Variants in DTNBP1 observed in about 807,000 individuals in gnomAD.
The protein encoded by DTNBP1 is dystrobrevin binding protein 1.
Under a neutral mutation model 42.8 loss-of-function variants are expected in DTNBP1, and 35 were observed. The observed-to-expected ratio is 0.82, with a 90% confidence interval of 0.63 to 1.09. The LOEUF (loss-of-function observed/expected upper bound fraction) is 1.09. Among genes scored for constraint, DTNBP1 ranks in the 50% least tolerant of loss-of-function variants. DTNBP1 has a pLI of 0.00. For synonymous variants in DTNBP1, 171 were observed against 162.2 expected (o/e 1.05, Z -0.41); for missense variants, 457 against 424.2 (o/e 1.08, Z -0.68).
At chr6:15,533,509 A>G in intron 7 of DTNBP1, 114 bp from the exon 8 acceptor site, 2 of 1,556,236 alleles carry the variant, frequency 1.3e-6, no homozygotes, top group African/African-American at 1.4e-5. Context: ...CCGCGTTTAC[A>G]GACTGGGCTG....
intron 7 of DTNBP1, among the ~76,000 whole-genome samples, chr6:15,560,882 T>G (rs940570370): frequency 2.0e-5 from 3 of 152,208 alleles, no homozygotes; most frequent in Non-Finnish European, 2.9e-5. Flanking sequence ...CGGAAGAAAG[T>G]TCCATCAAAG....
chr6:15,539,025 C>T (rs1157770243), intron 7 of DTNBP1, among the ~76,000 whole-genome samples: 1 of 152,208 alleles, frequency 6.6e-6, no homozygotes, highest in Non-Finnish European at 1.5e-5. Flanking sequence ...ACACTCTCAA[C>T]TCCGGAGTCC....
At chr6:15,563,454 A>G (rs1376640774) in intron 7 of DTNBP1, among the ~76,000 whole-genome samples, 2 of 152,260 alleles carry the variant, frequency 1.3e-5, no homozygotes, top group East Asian at 3.8e-4. Context: ...TTAAACATTA[A>G]TTAGGCTGCA....
intron 7 of DTNBP1, among the ~76,000 whole-genome samples, chr6:15,566,346 C>T (rs1392449382): frequency 2.6e-5 from 4 of 152,046 alleles, no homozygotes; most frequent in African/African-American, 9.7e-5. Context: ...ATTCTAAGCC[C>T]CCCAAATGAT....
intron 6 of DTNBP1, among the ~76,000 whole-genome samples, chr6:15,599,200 G>A (rs772941571): frequency 2.0e-5 from 3 of 152,168 alleles, no homozygotes; most frequent in Non-Finnish European, 4.4e-5. Context: ...AGAGGTTGAA[G>A]CAAGTAGGAT....
rs143011785 is a variant in DTNBP1, at chr6:15,637,764, C to T, written c.202G>A (p.Asp68Asn). 1 of 1,613,744 alleles carries T rather than the reference C, an allele frequency of 6.2e-7. No homozygotes were observed. Among genetic ancestry groups the T allele is most frequent in the African/African-American group, 1.3e-5 (1 of 74,934 alleles). The change falls in exon 4 of 10, where the codon GAC (aspartate) becomes AAC (asparagine). Residue 68 changes from aspartate to asparagine, a missense_variant. By Grantham distance (23) the Asp-to-Asn change is conservative (BLOSUM62 1). Coordinates refer to ENST00000344537, the MANE Select transcript of DTNBP1 (RefSeq NM_032122.5). The part of the protein sequence containing the change: ...TWAALHRRAK[D>N]CASAGELVDS... The stretch of plus-strand genomic sequence containing the variant: ...TTTACCTCTCCAGCACTTGCACAGT[C>T]TTTGGCTCTTCTGTGAAGTGCAGCC...
intron 5 of DTNBP1, among the ~76,000 whole-genome samples, chr6:15,617,357 T>C (rs75975192): frequency 0.078 from 11,739 of 150,440 alleles, 605 homozygotes; most frequent in Non-Finnish European, 0.11. Flanking sequence ...CTCACAGAAA[T>C]AGAAAAAAAA....
chr6:15,638,987 G>A (rs985618434), intron 3 of DTNBP1, among the ~76,000 whole-genome samples: 5 of 151,958 alleles, frequency 3.3e-5, no homozygotes, highest in Admixed American at 6.6e-5. Flanking sequence ...CATGAGCCAC[G>A]ATGCCCAGCC....
rs1485110009 is a variant in DTNBP1 at position 15,587,066 on chromosome 6, T to TC, written c.511+5992dup. ...CACCTACATGCTGGCTACTCTCAAA[T>TC]CTAGCTCAGATCCTTCTCCTGAGGT... is the stretch of plus-strand genomic sequence containing the variant. On this transcript the variant is annotated intron_variant, in intron 7 of 9. Transcript: ENST00000344537. This position sits in a 1 kb window ranked among gnomAD's most constrained non-coding sequence, Gnocchi z 4.1. Among the ~76,000 whole-genome samples the TC allele has an allele frequency of 6.6e-6, 1 of 152,134 alleles. No individual in the cohort carries two copies. Among genetic ancestry groups the TC allele is most frequent in the African/African-American group, 2.4e-5 (1 of 41,418 alleles).
intron 5 of DTNBP1, among the ~76,000 whole-genome samples, chr6:15,623,979 G>C (rs1759192199): frequency 6.6e-6 from 1 of 152,190 alleles, no homozygotes; most frequent in South Asian, 2.1e-4. Flanking sequence ...ACAGAATAAT[G>C]GTTTTGTGAA....
At chr6:15,531,633 T>A (rs1772832582) in intron 8 of DTNBP1, among the ~76,000 whole-genome samples, 1 of 152,212 alleles carries the variant, frequency 6.6e-6, no homozygotes, top group Admixed American at 6.5e-5. Context: ...GATTTCTTTT[T>A]ATTTATGTAT....
chr6:15,584,278 T>C (rs1406797588), intron 7 of DTNBP1, among the ~76,000 whole-genome samples: 1 of 152,152 alleles, frequency 6.6e-6, no homozygotes, highest in African/African-American at 2.4e-5. Flanking sequence ...AATATTAAAA[T>C]TGAATATCAG....
intron 4 of DTNBP1, among the ~76,000 whole-genome samples, chr6:15,629,908 A>G (rs1759585568): frequency 3.9e-5 from 6 of 152,152 alleles, no homozygotes. Context: ...AAATCTAGCA[A>G]AAGAAACGGT....
intron 7 of DTNBP1, among the ~76,000 whole-genome samples, chr6:15,542,770 C>A (rs1243825235): frequency 6.6e-6 from 1 of 152,172 alleles, no homozygotes; most frequent in African/African-American, 2.4e-5. Context: ...TGGCTCACTG[C>A]AACCTCCACC....
At chr6:15,543,525 C>T (rs1289712044) in intron 7 of DTNBP1, among the ~76,000 whole-genome samples, 2 of 152,188 alleles carry the variant, frequency 1.3e-5, no homozygotes, top group Admixed American at 1.3e-4. Context: ...ACAGTAAATT[C>T]CTCTTCAAAG....
chr6:15,585,827 G>A (rs1776058776), intron 7 of DTNBP1: 1 of 1,502,522 alleles, frequency 6.7e-7, no homozygotes, highest in African/African-American at 1.4e-5. Context: ...CAGTTACCAG[G>A]CAGCTGCCCT....
intron 5 of DTNBP1, among the ~76,000 whole-genome samples, chr6:15,626,893 C>T (rs1759380911): frequency 6.6e-6 from 1 of 152,088 alleles, no homozygotes; most frequent in Non-Finnish European, 1.5e-5. Flanking sequence ...CACAAGTACC[C>T]TCATTTAACC....
intron 4 of DTNBP1, 59 bp downstream of exon 4, chr6:15,637,685 A>T: frequency 6.5e-7 from 1 of 1,528,228 alleles, no homozygotes; most frequent in Non-Finnish European, 9.1e-7. Flanking sequence ...TTTAAAAAAT[A>T]CCATTTAGCA....
chr6:15,600,369 C>T (rs1776682236), intron 6 of DTNBP1, among the ~76,000 whole-genome samples: 1 of 152,164 alleles, frequency 6.6e-6, no homozygotes, highest in Admixed American at 6.5e-5. Flanking sequence ...GAGAGTACAC[C>T]TACTCAAATG....
Sources: gnomAD v4.1 joint callset for allele counts (sites outside exome capture counted in the v4.1 genomes callset) on GRCh38, gnomAD v4.1.1 for gene constraint, Gnocchi (gnomAD v3.1) non-coding constraint, MANE v1.5 for transcripts, NCBI Gene and HGNC (gene_info 2026-07-23, HGNC 2026-07-21) for gene names.